NTM: variants seen among roughly 807,000 people sequenced by gnomAD.
NTM encodes the protein IgLON family member 2.
Under a neutral mutation model 42.1 loss-of-function variants are expected in NTM, and 13 were observed. That is an observed-to-expected ratio of 0.31 (90% CI 0.20 to 0.49). The LOEUF is 0.49. NTM is among the 20% of genes least tolerant of loss of function. NTM has a pLI of 0.99. For synonymous variants in NTM, 187 were observed against 179.2 expected (o/e 1.04, Z -0.35); for missense variants, 373 against 452.8 (o/e 0.82, Z 1.60).
chr11:131,572,526 G>C (rs2057541270), intron 1 of NTM, among the ~76,000 whole-genome samples: 1 of 151,912 alleles, frequency 6.6e-6, no homozygotes, highest in South Asian at 2.1e-4. Flanking sequence ...TTGACCTTTG[G>C]TGTGACAAAT....
At chr11:132,192,609 A>T (rs1187958646) in intron 3 of NTM, among the ~76,000 whole-genome samples, 3 of 152,178 alleles carry the variant, frequency 2.0e-5, no homozygotes, top group Non-Finnish European at 4.4e-5. Context: ...TATATGTAAC[A>T]ATCAGCTAAC....
chr11:131,942,678 G>T (rs1328870040), intron 2 of NTM, among the ~76,000 whole-genome samples: 1 of 152,136 alleles, frequency 6.6e-6, no homozygotes, highest in Non-Finnish European at 1.5e-5. Context: ...GGGTGTGGTG[G>T]CTTATGCTTG....
intron 1 of NTM, among the ~76,000 whole-genome samples, chr11:131,425,955 G>C (rs953713433): frequency 2.0e-4 from 30 of 152,160 alleles, no homozygotes; most frequent in Non-Finnish European, 2.9e-5. Flanking sequence ...AATGTAGCTG[G>C]TAATGTGTGC....
At chr11:131,410,120 A>C (rs1946217243) in intron 1 of NTM, among the ~76,000 whole-genome samples, 1 of 152,050 alleles carries the variant, frequency 6.6e-6, no homozygotes, top group Admixed American at 6.5e-5. Context: ...GTCTCAGAGA[A>C]AACGTCCTAT....
intron 1 of NTM, among the ~76,000 whole-genome samples, chr11:131,901,407 A>C (rs7125383): frequency 0.057 from 8,697 of 152,274 alleles, 816 homozygotes; most frequent in African/African-American, 0.2. Context: ...TATCCAAATA[A>C]CTTTCTGGAT....
chr11:132,122,320 C>T (rs1051374166), intron 2 of NTM, among the ~76,000 whole-genome samples: 3 of 152,120 alleles, frequency 2.0e-5, no homozygotes, highest in African/African-American at 7.2e-5. Flanking sequence ...GAGGGGTAGA[C>T]GTGGATTTTC....
At chr11:132,186,006 G>A (rs1029663139) in intron 3 of NTM, among the ~76,000 whole-genome samples, 3 of 152,164 alleles carry the variant, frequency 2.0e-5, no homozygotes, top group African/African-American at 2.4e-5. Flanking sequence ...TAGAAATGGG[G>A]GATTACGGGA....
At chr11:132,009,462 G>T (rs924161506) in intron 2 of NTM, among the ~76,000 whole-genome samples, 1 of 152,186 alleles carries the variant, frequency 6.6e-6, no homozygotes, top group Non-Finnish European at 1.5e-5. Context: ...AAATCCTACT[G>T]CAGACAGTGA....
At chr11:132,001,044 G>C (rs141633584) in intron 2 of NTM, among the ~76,000 whole-genome samples, 21 of 152,308 alleles carry the variant, frequency 1.4e-4, no homozygotes, top group African/African-American at 3.6e-4. Context: ...AGGTGGGAAA[G>C]GTCTTGAGCA....
At chr11:131,873,612 C>G (rs190131010) in intron 1 of NTM, among the ~76,000 whole-genome samples, 3,504 of 32,156 alleles carry the variant, frequency 0.11, 306 homozygotes, top group East Asian at 0.31. Context: ...ATATATATAC[C>G]GTATATATAT....
chr11:131,880,592 C>T (rs1320522062), intron 1 of NTM, among the ~76,000 whole-genome samples: 2 of 152,166 alleles, frequency 1.3e-5, no homozygotes, highest in East Asian at 1.9e-4. Flanking sequence ...GGGACAGAAG[C>T]ATGATAAAGG....
intron 1 of NTM, among the ~76,000 whole-genome samples, chr11:131,478,690 C>T (rs1258883173): frequency 1.3e-5 from 2 of 152,176 alleles, no homozygotes; most frequent in Non-Finnish European, 2.9e-5. Context: ...GTGATGTTCC[C>T]ATTGAATTTC....
intron 1 of NTM, among the ~76,000 whole-genome samples, chr11:131,372,071 G>GTC: frequency 2.0e-5 from 3 of 152,198 alleles, no homozygotes; most frequent in African/African-American, 7.2e-5. Flanking sequence ...AGTCCTGCTG[G>GTC]CTCTTCTCCG....
At chr11:131,577,577 G>T (rs2058045902) in intron 1 of NTM, among the ~76,000 whole-genome samples, 1 of 152,154 alleles carries the variant, frequency 6.6e-6, no homozygotes, top group Non-Finnish European at 1.5e-5. Flanking sequence ...TCTAAAATAG[G>T]ACATTATTAT....
At chr11:131,889,502 T>C (rs1041079510) in intron 1 of NTM, among the ~76,000 whole-genome samples, 50 of 152,200 alleles carry the variant, frequency 3.3e-4, no homozygotes, top group African/African-American at 1.1e-3. Flanking sequence ...TCATATTGCA[T>C]GTGACTTTGA....
intron 1 of NTM, among the ~76,000 whole-genome samples, chr11:131,731,570 CG>C (rs1399254317): frequency 1.3e-5 from 2 of 152,094 alleles, no homozygotes; most frequent in African/African-American, 4.8e-5. Flanking sequence ...AGGTCATGGC[CG>C]GGGCACCAAT....
chr11:131,548,197 T>C (rs2054191041), intron 1 of NTM, among the ~76,000 whole-genome samples: 1 of 152,146 alleles, frequency 6.6e-6, no homozygotes, highest in Non-Finnish European at 1.5e-5. Flanking sequence ...AGTTAATAAA[T>C]CTTAGTTTCT....
chr11:131,554,519 AACAC>A (rs139415017), intron 1 of NTM, among the ~76,000 whole-genome samples: 6,363 of 148,038 alleles, frequency 0.043, 149 homozygotes, highest in Middle Eastern at 0.098. Flanking sequence ...GTCACCTGCA[AACAC>A]ACACACACAC....
At chr11:131,582,730 T>C (rs2058518398) in intron 1 of NTM, among the ~76,000 whole-genome samples, 1 of 152,200 alleles carries the variant, frequency 6.6e-6, no homozygotes, top group African/African-American at 2.4e-5. Context: ...TAATTGTCAA[T>C]GTCACATTCC....
Sources: allele counts gnomAD v4.1 joint callset (sites outside exome capture counted in the v4.1 genomes callset), GRCh38; gene constraint gnomAD v4.1.1; transcripts MANE v1.5; gene names NCBI Gene and HGNC (gene_info 2026-07-23, HGNC 2026-07-21).